The following MAF variants were observed in gnomAD, a reference collection of about 807,000 sequenced individuals.
MAF encodes the protein MAF bZIP transcription factor.
MAF carries 10 observed loss-of-function variants against 22.0 expected under a neutral mutation model. That is an observed-to-expected ratio of 0.45 (90% CI 0.28 to 0.77). MAF has a LOEUF of 0.77. MAF is among the 30% of genes least tolerant of loss of function. The pLI, the probability that MAF is intolerant of heterozygous loss-of-function variation, is 0.12. For missense variants in MAF, 544 were observed against 548.4 expected, an observed-to-expected ratio of 0.99 and a Z score of 0.08; for synonymous variants, 337 against 255.8, an observed-to-expected ratio of 1.32 and a Z score of -3.03.
the MAF span, among the ~76,000 whole-genome samples, chr16:79,268,663 G>C: frequency 3.9e-5 from 6 of 152,146 alleles, no homozygotes; most frequent in Non-Finnish European, 8.8e-5. Context: ...GAATGAATTA[G>C]CCAAACTGTA....
At chr16:79,424,777 C>T in the MAF span, among the ~76,000 whole-genome samples, 2 of 152,142 alleles carry the variant, frequency 1.3e-5, no homozygotes, top group Admixed American at 6.5e-5. Flanking sequence ...TGGTTCTATC[C>T]TGATATACCT....
chr16:79,307,648 A>T, the MAF span, among the ~76,000 whole-genome samples: 16 of 152,230 alleles, frequency 1.1e-4, no homozygotes, highest in Non-Finnish European at 8.8e-5. Context: ...AACAGAAAAA[A>T]ATATATATAA....
chr16:79,542,184 C>T, the MAF span, among the ~76,000 whole-genome samples: 1 of 152,146 alleles, frequency 6.6e-6, no homozygotes, highest in Non-Finnish European at 1.5e-5. Context: ...AAGTCCTGTG[C>T]AGCTGAAGAG....
Position 79,599,575 on chromosome 16 carries a change from G to T in MAF, c.328C>A (p.Pro110Thr). 1 of 1,602,122 alleles carries T rather than the reference G, an allele frequency of 6.2e-7. No individual in the cohort carries two copies. Among genetic ancestry groups the T allele is most frequent in the African/African-American group, 1.3e-5 (1 of 74,942 alleles). ...QLNPEALGFSPEDAVEALISN... is the reference protein window; with the variant it reads ...QLNPEALGFSTEDAVEALISN... ...ATGAGCGCCTCGACCGCGTCCTCGG[G>T]GCTGAAGCCCAGCGCCTCGGGGTTC... The change falls in exon 1 of 2, where the codon CCC (proline) becomes ACC (threonine). Residue 110 changes from proline to threonine, a missense_variant. This residue lies in a region of MAF where 342 missense variants were observed against 315.5 expected (regional missense o/e 1.08). Transcript: ENST00000326043.
At chr16:79,243,587 G>C in the MAF span, among the ~76,000 whole-genome samples, 111,398 of 151,766 alleles carry the variant, frequency 0.73, 41,959 homozygotes, top group African/African-American at 0.8. Flanking sequence ...GCCTACCAAC[G>C]AAAAAAAGTC....
chr16:79,581,799 C>T (rs1014050425), downstream of MAF, among the ~76,000 whole-genome samples: 2 of 152,114 alleles, frequency 1.3e-5, no homozygotes, highest in African/African-American at 4.8e-5. Flanking sequence ...ACAATGCACC[C>T]CTGGATTGTT....
the MAF span, among the ~76,000 whole-genome samples, chr16:79,314,959 A>T: frequency 6.6e-6 from 1 of 152,210 alleles, no homozygotes; most frequent in Non-Finnish European, 1.5e-5. Context: ...AAAATCAATT[A>T]TTTCTCCATT....
At chr16:79,560,648 A>G in the MAF span, among the ~76,000 whole-genome samples, 9 of 152,074 alleles carry the variant, frequency 5.9e-5, no homozygotes, top group African/African-American at 1.7e-4. Flanking sequence ...ACTCACTGTC[A>G]TGAAAATCCT....
chr16:79,238,007 G>A, the MAF span, among the ~76,000 whole-genome samples: 2 of 152,070 alleles, frequency 1.3e-5, no homozygotes, highest in Admixed American at 6.6e-5. Context: ...GACCTGGCCT[G>A]TGTCACCTTT....
the MAF span, among the ~76,000 whole-genome samples, chr16:79,247,377 A>G: frequency 6.6e-6 from 1 of 152,226 alleles, no homozygotes; most frequent in Non-Finnish European, 1.5e-5. Context: ...ATCAATGGCA[A>G]AGTCATACGT....
At chr16:79,482,789 G>T in the MAF span, among the ~76,000 whole-genome samples, 1 of 151,444 alleles carries the variant, frequency 6.6e-6, no homozygotes, top group Non-Finnish European at 1.5e-5. Flanking sequence ...GAATCTGGCA[G>T]CTTCTTGCAG....
the MAF span, among the ~76,000 whole-genome samples, chr16:79,519,962 A>G: frequency 6.6e-6 from 1 of 152,140 alleles, no homozygotes; most frequent in African/African-American, 2.4e-5. Flanking sequence ...CTCCCTCTGG[A>G]AGGGAACTCT....
the MAF span, among the ~76,000 whole-genome samples, chr16:79,335,076 T>A: frequency 2.6e-3 from 393 of 151,416 alleles, 1 homozygote; most frequent in African/African-American, 8.9e-3. Flanking sequence ...TCCCAGCTAC[T>A]CGGGAGGCTG....
At chr16:79,579,319 A>G in the MAF span, among the ~76,000 whole-genome samples, 2 of 152,250 alleles carry the variant, frequency 1.3e-5, no homozygotes, top group African/African-American at 4.8e-5. Context: ...AAAAAGTCAC[A>G]GTTTCAGAAG....
chr16:79,306,737 G>A, the MAF span, among the ~76,000 whole-genome samples: 1 of 152,148 alleles, frequency 6.6e-6, no homozygotes, highest in African/African-American at 2.4e-5. Context: ...ATCTTGGGCT[G>A]GGCAATCCTC....
At chr16:79,364,375 G>C in the MAF span, among the ~76,000 whole-genome samples, 3 of 152,252 alleles carry the variant, frequency 2.0e-5, no homozygotes, top group African/African-American at 7.2e-5. Flanking sequence ...GTTAGTTTTT[G>C]GACACAACTT....
At chr16:79,487,585 T>C in the MAF span, among the ~76,000 whole-genome samples, 3 of 152,202 alleles carry the variant, frequency 2.0e-5, no homozygotes, top group Non-Finnish European at 4.4e-5. Context: ...AAAAGCCCCG[T>C]TGTCCGTTTG....
At chr16:79,227,077 C>T in the MAF span, among the ~76,000 whole-genome samples, 1 of 152,022 alleles carries the variant, frequency 6.6e-6, no homozygotes, top group Non-Finnish European at 1.5e-5. Context: ...CTGGCTGGGC[C>T]AGTTAATCCC....
At chr16:79,261,773 G>A in the MAF span, among the ~76,000 whole-genome samples, 3 of 152,174 alleles carry the variant, frequency 2.0e-5, no homozygotes, top group Non-Finnish European at 2.9e-5. Context: ...GATGAGGGCA[G>A]GGCCTGGCCT....
Sources: allele counts gnomAD v4.1 joint callset (sites outside exome capture counted in the v4.1 genomes callset), GRCh38; gene constraint gnomAD v4.1.1; regional missense constraint gnomAD v4.1.1; transcripts MANE v1.5; gene names NCBI Gene and HGNC (gene_info 2026-07-23, HGNC 2026-07-21).